The following CACFD1 variants were observed in gnomAD, a reference collection of about 807,000 sequenced individuals.
The protein encoded by CACFD1 is calcium channel flower homolog.
A neutral mutation model predicts 21.3 loss-of-function variants in CACFD1; 26 were observed. The observed-to-expected ratio is 1.22, with a 90% confidence interval of 0.89 to 1.69. CACFD1 has a LOEUF of 1.69. Ranked by LOEUF, CACFD1 falls within the 40% of genes most tolerant of loss-of-function variation. The pLI is 0.00. For missense variants in CACFD1, 265 were observed against 236.2 expected (o/e 1.12, Z -0.80); for synonymous variants, 121 against 106.6 (o/e 1.13, Z -0.83).
chr9:133,460,173 T>C lies in CACFD1; in HGVS notation c.107T>C (p.Val36Ala). 6.4e-7 allele frequency: 1 copy of C among 1,554,224 alleles called. No homozygotes were observed. The highest frequency in any genetic ancestry group is 8.7e-7 in the Non-Finnish European group (1 of 1,149,690). ...WYRWLCRLSG[V>A]LGAVSCAISG... Reference sequence around the variant, plus strand: ...CGCTGGCTGTGTCGCCTGTCTGGGGTGCTGGGGGCAGTCTGTGAGTATCCA... The same window carrying C: ...CGCTGGCTGTGTCGCCTGTCTGGGGCGCTGGGGGCAGTCTGTGAGTATCCA... The change falls in exon 1 of 5, where the codon GTG becomes GCG. Residue 36 changes from valine to alanine, a missense_variant. Coordinates refer to ENST00000316948, the MANE Select transcript of CACFD1 (RefSeq NM_017586.5).
intron 4 of CACFD1, 143 bp downstream of exon 4, chr9:133,468,171 G>A (rs1285753212): frequency 9.5e-7 from 1 of 1,058,046 alleles, no homozygotes; most frequent in East Asian, 2.6e-5. Flanking sequence ...GTGCCTCCAG[G>A]GCTCAGCTCG....
chr9:133,465,501 C>T lies in CACFD1; in HGVS notation c.320+54C>T. 1 of 1,546,880 alleles carries T rather than the reference C, an allele frequency of 6.5e-7. No homozygotes were observed. The highest frequency in any genetic ancestry group is 1.2e-5 in the South Asian group (1 of 81,666). ...ACACAGTTCCCCAAAACCCCACTGA[C>T]AAAATAGGACCCAAAAGTCAGGTGA... On this transcript the variant is annotated intron_variant, in intron 3 of 4. Transcript: ENST00000316948. The surrounding 1 kb of genome is among the most constrained non-coding windows in gnomAD (Gnocchi z 5.0).
In CACFD1 at chr9:133,467,978, C is replaced by CA; in HGVS notation, c.379dup (p.Ile127AsnfsTer35). The CA allele has an allele frequency of 6.2e-7, 1 of 1,613,976 alleles. No homozygotes were observed. The highest frequency in any genetic ancestry group is 8.5e-7 in the Non-Finnish European group (1 of 1,180,024). ...CCCTGACCACGCTGCTGGGCAACGCCATCGCCTTTGCTACGGGGGTGCTGT... is the reference window on the plus strand; with the variant it reads ...CCCTGACCACGCTGCTGGGCAACGCCAATCGCCTTTGCTACGGGGGTGCTGT... On this transcript the variant is annotated frameshift_variant, in exon 4 of 5. Transcript: ENST00000316948. LOFTEE classifies it high-confidence loss of function.
At position 133,465,411 on chromosome 9, in the gene CACFD1, G is replaced by A. The variant is rs34503184; in HGVS notation, c.284G>A (p.Arg95Gln). ...AACACAGTGGCGGAGAAGGTGGACC[G>A]GCTGCGCTCCTGGCAGAAGGCTGTC... ...FANTVAEKVD[R>Q]LRSWQKAVFY... The change falls in exon 3 of 5, where the codon CGG becomes CAG. Residue 95 changes from arginine to glutamine, a missense_variant. Physicochemically the swap from Arg to Gln is conservative, Grantham distance 43 (BLOSUM62 1). Transcript: ENST00000316948. The surrounding 1 kb of genome is among the most constrained non-coding windows in gnomAD (Gnocchi z 5.0). The A allele has an allele frequency of 5.0e-6, 8 of 1,613,656 alleles. No individual in the cohort carries two copies. Among genetic ancestry groups the A allele is most frequent in the Admixed American group, 3.3e-5 (2 of 59,972 alleles).
At chr9:133,463,629 G>A (rs1554798968) in intron 2 of CACFD1, 74 bp downstream of exon 2, 3 of 1,489,072 alleles carry the variant, frequency 2.0e-6, no homozygotes, top group Non-Finnish European at 2.8e-6. Flanking sequence ...CCGGGACAGA[G>A]GAGTGGCAGG....
chr9:133,467,529 TC>T (rs1386215970), intron 3 of CACFD1, among the ~76,000 whole-genome samples: 2 of 152,182 alleles, frequency 1.3e-5, no homozygotes, highest in Non-Finnish European at 2.9e-5. Context: ...CAAGCTTTGA[TC>T]CCCTCTCCGC....
rs1554800105 is a variant in CACFD1 at position 133,468,562 on chromosome 9, G to T, written c.429-1G>T. 1 of 1,576,902 alleles carries T rather than the reference G, an allele frequency of 6.3e-7. No individual in the cohort carries two copies. The highest frequency in any genetic ancestry group is 2.3e-5 in the East Asian group (1 of 43,750). ...GTGACGCTGCCTCTCTCTCTCCCCA[G>T]GGGCGATGCGATCTCCTATGCCAGG... On this transcript the variant is annotated splice_acceptor_variant, in intron 4 of 4. Coordinates refer to ENST00000316948, the MANE Select transcript of CACFD1 (RefSeq NM_017586.5). LOFTEE classifies it high-confidence loss of function.
chr9:133,468,590 C>T lies in CACFD1; in HGVS notation c.456C>T (p.Ile152=). ...GCGATGCGATCTCCTATGCCAGGAT[C>T]CAGCAGCAGAGGCAGCAGGCGGATG... The part of the protein sequence containing the change: ...KKGDAISYAR[I]QQQRQQADEE... The change falls in exon 5 of 5, where the codon ATC becomes ATT. Residue 152 remains isoleucine (I), a synonymous_variant. Transcript: ENST00000316948. 6.3e-7 allele frequency: 1 copy of T among 1,590,906 alleles called. No individual in the cohort carries two copies. The highest frequency in any genetic ancestry group is 8.5e-7 in the Non-Finnish European group (1 of 1,170,834).
At chr9:133,460,885 G>C (rs1843177374) in intron 1 of CACFD1, among the ~76,000 whole-genome samples, 1 of 152,134 alleles carries the variant, frequency 6.6e-6, no homozygotes, top group South Asian at 2.1e-4. Flanking sequence ...TTCTCCGCAC[G>C]CATCCCAGTC....
At chr9:133,460,519 TCCC>T (rs200717228) in intron 1 of CACFD1, among the ~76,000 whole-genome samples, 2 of 90,480 alleles carry the variant, frequency 2.2e-5, no homozygotes, top group Non-Finnish European at 5.7e-5. Context: ...GACTGAGCCC[TCCC>T]CCCGCTCCCC....
intron 1 of CACFD1, among the ~76,000 whole-genome samples, chr9:133,462,700 T>A (rs1434090491): frequency 6.6e-6 from 1 of 152,122 alleles, no homozygotes; most frequent in Non-Finnish European, 1.5e-5. Context: ...AGGAGGGAGT[T>A]GGGTGCAAGA....
chr9:133,468,427 C>T (rs1443137439), intron 4 of CACFD1, 136 bp from the exon 5 acceptor site: 2 of 1,536,066 alleles, frequency 1.3e-6, no homozygotes, highest in Admixed American at 3.9e-5. Flanking sequence ...CCTTTGCCAC[C>T]CCAGCAGTTG....
intron 1 of CACFD1, chr9:133,462,037 C>T (rs1158871549): frequency 2.3e-6 from 3 of 1,279,952 alleles, no homozygotes; most frequent in Non-Finnish European, 3.1e-6. Context: ...AAGATATCAG[C>T]ATTGAGGCCC....
At chr9:133,468,305 G>A in intron 4 of CACFD1, 1 of 1,526,286 alleles carries the variant, frequency 6.6e-7, no homozygotes, top group South Asian at 1.2e-5. Context: ...GTCTGCACCG[G>A]GCATTGTACT....
At position 133,469,289 on chromosome 9, in the gene CACFD1, C is replaced by G. The variant is rs1373013860; in HGVS notation, c.*636C>G. 6.6e-6 allele frequency: 1 copy of G among 152,456 alleles called. No individual in the cohort carries two copies. Among genetic ancestry groups the G allele is most frequent in the Non-Finnish European group, 1.5e-5 (1 of 68,238 alleles). The allele number at this position is 152,456 out of a possible 1,614,324, so 9.4% of individuals were successfully genotyped here. On this transcript the variant is annotated 3_prime_UTR_variant, in exon 5 of 5. Coordinates refer to ENST00000316948, the MANE Select transcript of CACFD1 (RefSeq NM_017586.5). The stretch of plus-strand genomic sequence containing the variant: ...AACCTTGGACAGGCCACCTCAAGGC[C>G]CCTCGGCTGCCCCTCCTCCCTGGGC...
At chr9:133,467,003 T>G (rs1426380387) in intron 3 of CACFD1, among the ~76,000 whole-genome samples, 2 of 152,230 alleles carry the variant, frequency 1.3e-5, no homozygotes, top group Non-Finnish European at 2.9e-5. Context: ...TGTCAGAAGG[T>G]TCCCCGCCGT....
chr9:133,462,141 T>A (rs915614280), intron 1 of CACFD1: 38 of 1,304,064 alleles, frequency 2.9e-5, no homozygotes, highest in Non-Finnish European at 3.7e-5. Flanking sequence ...CAAGGCTGGC[T>A]GTGGGTTGGA....
Position 133,470,252 on chromosome 9 carries a change from T to C in CACFD1, c.*1599T>C, listed in dbSNP as rs1409095854. The C allele has an allele frequency of 6.6e-6, 1 of 152,606 alleles. No homozygotes were observed. The highest frequency in any genetic ancestry group is 1.5e-5 in the Non-Finnish European group (1 of 68,278). 9.5% of individuals were successfully genotyped at this position (152,606 alleles called of 1,614,324 possible). A position where few individuals can be genotyped will look rare whatever the true frequency, so the allele number is the denominator to read the frequency against. On this transcript the variant is annotated 3_prime_UTR_variant, in exon 5 of 5. Transcript: ENST00000316948. ...ATGTATATGTGTGTGGGTGCACACA[T>C]CTGTCCCATGTATGCAGTGAGACCT... is the stretch of plus-strand genomic sequence containing the variant.
chr9:133,468,357 G>T (rs782264099), intron 4 of CACFD1: 2 of 1,535,836 alleles, frequency 1.3e-6, no homozygotes, highest in South Asian at 2.4e-5. Context: ...ACTGAGGCTG[G>T]TTCCTTCGCA....
Sources: allele counts gnomAD v4.1 joint callset (sites outside exome capture counted in the v4.1 genomes callset), GRCh38; gene constraint gnomAD v4.1.1; non-coding constraint Gnocchi (gnomAD v3.1); transcripts MANE v1.5; gene names NCBI Gene and HGNC (gene_info 2026-07-23, HGNC 2026-07-21).